Variants in CCDC148 observed in about 807,000 individuals in gnomAD.
CCDC148 encodes coiled-coil domain containing 148.
A neutral mutation model predicts 85.7 loss-of-function variants in CCDC148; 89 were observed. The observed-to-expected ratio is 1.04, with a 90% CI of 0.87 to 1.24. The LOEUF (loss-of-function observed/expected upper bound fraction) is 1.24, where lower values mean the gene tolerates loss of function less well. Ranked by LOEUF, CCDC148 falls within the 50% of genes most tolerant of loss-of-function variation. The pLI, the probability that CCDC148 is intolerant of heterozygous loss-of-function variation, is 0.00. For missense variants in CCDC148, 692 were observed against 671.7 expected (o/e 1.03, Z -0.33); for synonymous variants, 230 against 213.9 (o/e 1.08, Z -0.66).
chr2:158,255,096 T>A (rs1291154104), intron 9 of CCDC148, among the ~76,000 whole-genome samples: 1 of 150,304 alleles, frequency 6.7e-6, no homozygotes, highest in Non-Finnish European at 1.5e-5. Flanking sequence ...AGTTTGTAGA[T>A]CTTAATACAA....
intron 9 of CCDC148, 114 bp from the exon 10 acceptor site, chr2:158,251,026 T>A: frequency 1.0e-6 from 1 of 953,476 alleles, no homozygotes; most frequent in Admixed American, 2.7e-5. Context: ...TCCAAATAAA[T>A]GTTTAAATTC....
chr2:158,328,947 T>C (rs544098105), intron 7 of CCDC148, among the ~76,000 whole-genome samples: 1 of 152,226 alleles, frequency 6.6e-6, no homozygotes, highest in South Asian at 2.1e-4. Flanking sequence ...GCAAAAATTT[T>C]CTCCCATTCT....
At chr2:158,267,884 A>G (rs1238550429) in intron 9 of CCDC148, among the ~76,000 whole-genome samples, 1 of 152,116 alleles carries the variant, frequency 6.6e-6, no homozygotes, top group Admixed American at 6.6e-5. Context: ...ACTTAGCATA[A>G]TGTATCTGAT....
At chr2:158,217,489 G>A (rs755989339) in intron 11 of CCDC148, among the ~76,000 whole-genome samples, 3 of 151,448 alleles carry the variant, frequency 2.0e-5, no homozygotes, top group Admixed American at 6.6e-5. Flanking sequence ...TGCAAGCTCC[G>A]CCTCCTGGGT....
intron 1 of CCDC148, among the ~76,000 whole-genome samples, chr2:158,439,479 G>A (rs1687836452): frequency 6.6e-6 from 1 of 152,084 alleles, no homozygotes; most frequent in African/African-American, 2.4e-5. Context: ...CCTGTCGTGG[G>A]GTGGCGGCAG....
At chr2:158,326,696 T>C (rs946695222) in intron 7 of CCDC148, among the ~76,000 whole-genome samples, 6 of 152,260 alleles carry the variant, frequency 3.9e-5, no homozygotes, top group African/African-American at 1.4e-4. Context: ...TTTTTTCCTT[T>C]AAAAATTTTT....
chr2:158,281,327 A>G (rs1373752947), intron 9 of CCDC148, among the ~76,000 whole-genome samples: 1 of 152,198 alleles, frequency 6.6e-6, no homozygotes, highest in Non-Finnish European at 1.5e-5. Context: ...CAAAAAATTA[A>G]TGAATCCAGG....
At chr2:158,224,244 C>T (rs150313367) in intron 10 of CCDC148, among the ~76,000 whole-genome samples, 1,635 of 151,994 alleles carry the variant, frequency 0.011, 15 homozygotes, top group Non-Finnish European at 0.016. Flanking sequence ...TGAAATGAAG[C>T]GAGAAGAGAA....
intron 9 of CCDC148, among the ~76,000 whole-genome samples, chr2:158,270,598 A>G (rs899774244): frequency 5.9e-5 from 9 of 152,202 alleles, no homozygotes; most frequent in African/African-American, 1.9e-4. Flanking sequence ...ATCACTTTTG[A>G]CAACTGACAC....
intron 11 of CCDC148, among the ~76,000 whole-genome samples, chr2:158,179,973 T>C (rs1288671237): frequency 6.6e-6 from 1 of 152,194 alleles, no homozygotes; most frequent in Non-Finnish European, 1.5e-5. Context: ...CCTCCTCTGC[T>C]GCCTTTTTTG....
At chr2:158,222,595 G>A (rs1392933658) in intron 10 of CCDC148, among the ~76,000 whole-genome samples, 1 of 151,972 alleles carries the variant, frequency 6.6e-6, no homozygotes, top group East Asian at 1.9e-4. Flanking sequence ...TGTTTTCACT[G>A]AAATTCTTTT....
chr2:158,346,631 G>T (rs1380514858), intron 2 of CCDC148, among the ~76,000 whole-genome samples: 1 of 152,102 alleles, frequency 6.6e-6, no homozygotes, highest in African/African-American at 2.4e-5. Context: ...ACTCCAAACC[G>T]AAGTATTCCA....
At chr2:158,294,869 C>A (rs1691100365) in intron 9 of CCDC148, among the ~76,000 whole-genome samples, 1 of 150,650 alleles carries the variant, frequency 6.6e-6, no homozygotes. Flanking sequence ...CACAAAGTGA[C>A]CATGTTACTT....
chr2:158,238,183 G>C (rs1171953917), intron 10 of CCDC148, among the ~76,000 whole-genome samples: 2 of 152,058 alleles, frequency 1.3e-5, no homozygotes, highest in Non-Finnish European at 2.9e-5. Flanking sequence ...AGGTCATAAT[G>C]GTGTATTTTT....
intron 1 of CCDC148, among the ~76,000 whole-genome samples, chr2:158,397,565 T>C (rs1685579874): frequency 6.6e-6 from 1 of 152,002 alleles, no homozygotes; most frequent in Non-Finnish European, 1.5e-5. Context: ...ATCCTTTATA[T>C]ACCAGCAAAT....
At chr2:158,333,116 G>A (rs1425019170) in intron 7 of CCDC148, among the ~76,000 whole-genome samples, 1 of 151,296 alleles carries the variant, frequency 6.6e-6, no homozygotes, top group African/African-American at 2.4e-5. Flanking sequence ...TGATATTTGG[G>A]TATCAATTTT....
At chr2:158,398,842 T>A (rs57924219) in intron 1 of CCDC148, among the ~76,000 whole-genome samples, 1 of 152,004 alleles carries the variant, frequency 6.6e-6, no homozygotes, top group African/African-American at 2.4e-5. Flanking sequence ...CAGGAGCTGG[T>A]TTTTTGAAAA....
At chr2:158,449,171 T>C (rs1259489214) in intron 1 of CCDC148, among the ~76,000 whole-genome samples, 5 of 152,184 alleles carry the variant, frequency 3.3e-5, no homozygotes, top group African/African-American at 7.2e-5. Context: ...GTTCCTAGCA[T>C]ATAAAAATAC....
chr2:158,368,071 G>T (rs571167816), intron 1 of CCDC148, among the ~76,000 whole-genome samples: 10 of 152,180 alleles, frequency 6.6e-5, no homozygotes, highest in Admixed American at 5.2e-4. Flanking sequence ...GAAAATGAAG[G>T]TTTATTTCAT....
Sources: allele counts gnomAD v4.1 joint callset (sites outside exome capture counted in the v4.1 genomes callset), GRCh38; gene constraint gnomAD v4.1.1; transcripts MANE v1.5; gene names NCBI Gene and HGNC (gene_info 2026-07-23, HGNC 2026-07-21).